SPTB: variants seen among roughly 807,000 people sequenced by gnomAD.
SPTB encodes the protein spectrin beta, erythrocytic, also known as spectrin beta chain, erythrocytic.
SPTB carries 45 observed loss-of-function variants against 256.2 expected under a neutral mutation model. The observed-to-expected ratio is 0.18, with a 90% confidence interval of 0.14 to 0.23. SPTB has a LOEUF of 0.23. Among genes scored for constraint, SPTB ranks in the 10% least tolerant of loss-of-function variants. The pLI is 1.00. For synonymous variants in SPTB, 1,231 were observed against 1,243.1 expected (o/e 0.99, Z 0.21); for missense variants, 2,715 against 3,040.4 (o/e 0.89, Z 2.52).
intron 1 of SPTB, among the ~76,000 whole-genome samples, chr14:64,860,203 T>C (rs563031527): frequency 5.9e-5 from 9 of 152,288 alleles, no homozygotes; most frequent in East Asian, 1.9e-4. Flanking sequence ...GCAAAGAAAG[T>C]ATATTCACAC....
chr14:64,812,882 T>C (rs1013369237), intron 2 of SPTB, among the ~76,000 whole-genome samples: 1 of 152,204 alleles, frequency 6.6e-6, no homozygotes, highest in African/African-American at 2.4e-5. Flanking sequence ...GCTTTGTGCC[T>C]CTCCCTCCTT....
In SPTB at chr14:64,873,004, T is replaced by C. The variant is rs1053590549; in HGVS notation, c.-52+6788A>G. 6.6e-6 allele frequency among the ~76,000 whole-genome samples: 1 copy of C among 151,996 alleles called. No homozygotes were observed. The highest frequency in any genetic ancestry group is 2.4e-5 in the African/African-American group (1 of 41,372). On this transcript the variant is annotated intron_variant, in intron 1 of 35. Coordinates refer to ENST00000644917, the MANE Select transcript of SPTB (RefSeq NM_001355436.2). The surrounding 1 kb of genome is among the most constrained non-coding windows in gnomAD (Gnocchi z 4.3). ...GTCTCTGGTATGTCTTTATTAGGAG[T>C]GTGAGAACAGACTACCACTCAACCT...
intron 25 of SPTB, 92 bp downstream of exon 25, chr14:64,773,128 T>C: frequency 6.4e-7 from 1 of 1,573,286 alleles, no homozygotes; most frequent in Non-Finnish European, 8.7e-7. Flanking sequence ...GGAGGTTACG[T>C]CCTATGCAGC....
Position 64,749,671 on chromosome 14 carries a change from A to G in SPTB, c.6802T>C (p.Phe2268Leu). ...LRLSNGSEWLFHGKDEEEMLS... is the reference protein window; with the variant it reads ...LRLSNGSEWLLHGKDEEEMLS... Reference sequence around the variant, plus strand: ...GCGCTTACCTCATCCTTGCCATGGAAGAGCCACTCGCTGCCATTACTCAGC... The same window carrying G: ...GCGCTTACCTCATCCTTGCCATGGAGGAGCCACTCGCTGCCATTACTCAGC... Residue 2268 changes from phenylalanine to leucine, a missense_variant, in exon 35 of 36, where the codon TTC (phenylalanine) becomes CTC (leucine). Physicochemically the swap from Phe to Leu is conservative, Grantham distance 22. Transcript: ENST00000644917. The surrounding 1 kb of genome is among the most constrained non-coding windows in gnomAD (Gnocchi z 4.7). 1 of 1,613,848 alleles carries G rather than the reference A, an allele frequency of 6.2e-7. No individual in the cohort carries two copies. The highest frequency in any genetic ancestry group is 8.5e-7 in the Non-Finnish European group (1 of 1,179,960).
At chr14:64,855,757 A>C (rs528010197) in intron 1 of SPTB, among the ~76,000 whole-genome samples, 72 of 152,382 alleles carry the variant, frequency 4.7e-4, no homozygotes, top group Middle Eastern at 3.4e-3. Context: ...CTGGGGCCAG[A>C]GTGCCTGAGA....
rs759921666 is a variant in SPTB at position 64,801,400 on chromosome 14, C to T, written c.648G>A (p.Arg216=). 2 of 1,613,156 alleles carry T rather than the reference C, an allele frequency of 1.2e-6. No individual in the cohort carries two copies. The highest frequency in any genetic ancestry group is 1.7e-6 in the Non-Finnish European group (2 of 1,179,124). Residue 216 remains arginine (R), a splice_region_variant and synonymous_variant, in exon 7 of 36, where the codon CGG becomes CGA. Transcript: ENST00000644917. ...LAFNALIHKH[R]PDLIDFDKLK... ...GCTTATCAAAGTCGATCAGGTCGGG[C>T]CTGGGGACAAAACTGGACTGTGAAA...
In SPTB at chr14:64,816,285, C is replaced by T. The variant is rs2083189250; in HGVS notation, c.148+6662G>A. ...CTGAGGTCTTGAATAAAAAACTCAA[C>T]ATCATCAAGATATCAATTTACCCTA... is the stretch of plus-strand genomic sequence containing the variant. On this transcript the variant is annotated intron_variant, in intron 2 of 35. Coordinates refer to ENST00000644917, the MANE Select transcript of SPTB (RefSeq NM_001355436.2). This position sits in a 1 kb window ranked among gnomAD's most constrained non-coding sequence, Gnocchi z 4.2. 6.6e-6 allele frequency among the ~76,000 whole-genome samples: 1 copy of T among 152,168 alleles called. No individual in the cohort carries two copies. Among genetic ancestry groups the T allele is most frequent in the Non-Finnish European group, 1.5e-5 (1 of 68,034 alleles).
chr14:64,770,942 T>C lies in SPTB; in HGVS notation c.5741A>G (p.Asp1914Gly). Residue 1914 changes from aspartate (D) to glycine (G), a missense_variant, in exon 27 of 36, where the codon GAC (aspartate) becomes GGC (glycine). By Grantham distance (94) the Asp-to-Gly change is moderately conservative. Transcript: ENST00000644917. ...DKFRFFSMAR[D>G]LLSWMESIIR... ...GATGCTCTCCATCCAGGAGAGGAGG[T>C]CACGGGCCATGCTGAAGAAGCGGAA... 1 of 1,613,902 alleles carries C rather than the reference T, an allele frequency of 6.2e-7. No homozygotes were observed. Among genetic ancestry groups the C allele is most frequent in the Non-Finnish European group, 8.5e-7 (1 of 1,179,996 alleles).
At chr14:64,838,958 C>G (rs566507423) in intron 1 of SPTB, among the ~76,000 whole-genome samples, 1 of 152,176 alleles carries the variant, frequency 6.6e-6, no homozygotes, top group East Asian at 1.9e-4. Flanking sequence ...AATGGTGGAA[C>G]CCCATCTCTA....
intron 10 of SPTB, among the ~76,000 whole-genome samples, chr14:64,797,497 AAAAAAGG>A (rs1418760407): frequency 1.3e-4 from 18 of 140,166 alleles, no homozygotes; most frequent in African/African-American, 3.7e-4. Flanking sequence ...AAAAAAAAAA[AAAAAAGG>A]ACTCAGGGAT....
In SPTB at chr14:64,844,041, C is replaced by A. The variant is rs1470790454; in HGVS notation, c.-51-20896G>T. ...ATTATAAAAGTGACATATGCCAGGT[C>A]TTTAGCAAATCCCAACAAAAAAAGG... On this transcript the variant is annotated intron_variant, in intron 1 of 35. Transcript: ENST00000644917. This position sits in a 1 kb window ranked among gnomAD's most constrained non-coding sequence, Gnocchi z 4.1. 6.6e-6 allele frequency among the ~76,000 whole-genome samples: 1 copy of A among 152,140 alleles called. No homozygotes were observed. Among genetic ancestry groups the A allele is most frequent in the Non-Finnish European group, 1.5e-5 (1 of 68,028 alleles).
Position 64,796,714 on chromosome 14 carries a change from G to C in SPTB, c.1184C>G (p.Ala395Gly). 1 of 1,614,202 alleles carries C rather than the reference G, an allele frequency of 6.2e-7. No homozygotes were observed. Among genetic ancestry groups the C allele is most frequent in the Non-Finnish European group, 8.5e-7 (1 of 1,180,050 alleles). ...CTCAGCTTCCTCCAGGCTTTCCCAG[G>C]CCTGCACAAAGGATGGAATGAGAAT... ...DGKLVSDINR[A>G]WESLEEAEYR... The change falls in exon 11 of 36, where the codon GCC becomes GGC. Residue 395 changes from alanine (A) to glycine (G), a missense_variant and splice_region_variant. Coordinates refer to ENST00000644917, the MANE Select transcript of SPTB (RefSeq NM_001355436.2). This position sits in a 1 kb window ranked among gnomAD's most constrained non-coding sequence, Gnocchi z 4.1.
chr14:64,801,503 C>T, intron 6 of SPTB, 103 bp from the exon 7 acceptor site: 1 of 928,996 alleles, frequency 1.1e-6, no homozygotes, highest in Non-Finnish European at 1.7e-6. Context: ...GGGAGGTGGT[C>T]AGGCAGGAGG....
rs577707226 is a variant in SPTB at position 64,845,051 on chromosome 14, A to C, written c.-51-21906T>G. On this transcript the variant is annotated intron_variant, in intron 1 of 35. Transcript: ENST00000644917. The surrounding 1 kb of genome is among the most constrained non-coding windows in gnomAD (Gnocchi z 4.8). ...AGAGATGGACATGGAAAATAAGCAAAGCACTGAGAAATGAAAGATCCAAAG... is the reference window on the plus strand; with the variant it reads ...AGAGATGGACATGGAAAATAAGCAACGCACTGAGAAATGAAAGATCCAAAG... Among the ~76,000 whole-genome samples the C allele has an allele frequency of 1.8e-4, 27 of 152,354 alleles. No homozygotes were observed. Among genetic ancestry groups the C allele is most frequent in the African/African-American group, 6.5e-4 (27 of 41,580 alleles).
At chr14:64,761,053 G>A (rs954202872) in intron 32 of SPTB, among the ~76,000 whole-genome samples, 30 of 152,198 alleles carry the variant, frequency 2.0e-4, no homozygotes, top group African/African-American at 6.3e-4. Context: ...GCTGGAAGAC[G>A]GGCTTGGGGC....
chr14:64,783,205 T>G (rs1334229732), intron 19 of SPTB, among the ~76,000 whole-genome samples: 1 of 144,194 alleles, frequency 6.9e-6, no homozygotes, highest in East Asian at 1.9e-4. Context: ...CTAATAATAG[T>G]TAATTTTTTT....
At position 64,802,959 on chromosome 14, in the gene SPTB, T is replaced by G. The variant is rs2082914677; in HGVS notation, c.475-642A>C. The stretch of plus-strand genomic sequence containing the variant: ...TTTCATTAGCAGCTCCTCTTGCCTT[T>G]CCATTCTCCCCAACTCTGCTGCTAT... On this transcript the variant is annotated intron_variant, in intron 4 of 35. Coordinates refer to ENST00000644917, the MANE Select transcript of SPTB (RefSeq NM_001355436.2). This position sits in a 1 kb window ranked among gnomAD's most constrained non-coding sequence, Gnocchi z 5.1. 6.6e-6 allele frequency among the ~76,000 whole-genome samples: 1 copy of G among 152,202 alleles called. No individual in the cohort carries two copies. The highest frequency in any genetic ancestry group is 1.9e-4 in the East Asian group (1 of 5,198).
intron 30 of SPTB, 94 bp from the exon 31 acceptor site, chr14:64,767,446 A>G (rs2082203892): frequency 6.6e-7 from 1 of 1,525,720 alleles, no homozygotes; most frequent in Admixed American, 1.7e-5. Flanking sequence ...GCACCCCCAC[A>G]TGCCCTGACA....
intron 1 of SPTB, among the ~76,000 whole-genome samples, chr14:64,848,471 C>T (rs1214687005): frequency 6.6e-6 from 1 of 152,140 alleles, no homozygotes; most frequent in East Asian, 1.9e-4. Context: ...TTCAATATTG[C>T]TATTACATCA....
Sources: allele counts gnomAD v4.1 joint callset (sites outside exome capture counted in the v4.1 genomes callset), GRCh38; gene constraint gnomAD v4.1.1; non-coding constraint Gnocchi (gnomAD v3.1); transcripts MANE v1.5; gene names NCBI Gene and HGNC (gene_info 2026-07-23, HGNC 2026-07-21).